ADK: variants seen among roughly 807,000 people sequenced by gnomAD.
The protein encoded by ADK is adenosine kinase.
In ADK, 24 loss-of-function variants were observed where a neutral mutation model predicts 44.7. That is an observed-to-expected ratio of 0.54 (90% CI 0.39 to 0.76). The LOEUF is 0.76. Ranked by LOEUF, ADK falls within the 30% of genes least tolerant of loss-of-function variation. ADK has a pLI of 0.00. For missense variants in ADK, 321 were observed against 425.1 expected (o/e 0.76, Z 2.15); for synonymous variants, 128 against 142.6 (o/e 0.90, Z 0.73).
intron 3 of ADK, among the ~76,000 whole-genome samples, chr10:74,262,330 A>C (rs1399548799): frequency 3.5e-5 from 5 of 144,874 alleles, no homozygotes; most frequent in Non-Finnish European, 3.1e-5. Context: ...AAAAAAAAAA[A>C]CAAAAAAACT....
At chr10:74,699,840 T>C (rs1003596979) in intron 10 of ADK, among the ~76,000 whole-genome samples, 1 of 152,230 alleles carries the variant, frequency 6.6e-6, no homozygotes, top group African/African-American at 2.4e-5. Flanking sequence ...TACTGAAATA[T>C]TTCTAACCCA....
At chr10:74,578,120 A>G (rs1851259009) in intron 7 of ADK, among the ~76,000 whole-genome samples, 1 of 152,078 alleles carries the variant, frequency 6.6e-6, no homozygotes, top group Admixed American at 6.5e-5. Context: ...ATAAAAGGAC[A>G]TTGGTTCACA....
At chr10:74,686,868 G>A (rs1855812073) in intron 10 of ADK, among the ~76,000 whole-genome samples, 1 of 151,906 alleles carries the variant, frequency 6.6e-6, no homozygotes, top group Non-Finnish European at 1.5e-5. Context: ...AGTAGAGACA[G>A]GGTTTCACCA....
At chr10:74,238,361 T>C (rs1386459354) in intron 3 of ADK, among the ~76,000 whole-genome samples, 1 of 152,178 alleles carries the variant, frequency 6.6e-6, no homozygotes, top group African/African-American at 2.4e-5. Context: ...GGCTGTTGAC[T>C]TGGCAACTAA....
At chr10:74,278,453 T>C (rs1255221733) in intron 3 of ADK, among the ~76,000 whole-genome samples, 4 of 151,848 alleles carry the variant, frequency 2.6e-5, no homozygotes, top group Non-Finnish European at 5.9e-5. Flanking sequence ...TTTGGCTTGA[T>C]ATATTTTGAG....
At chr10:74,155,322 A>AT (rs1295797232) in intron 1 of ADK, among the ~76,000 whole-genome samples, 3 of 151,986 alleles carry the variant, frequency 2.0e-5, no homozygotes, top group African/African-American at 2.4e-5. Flanking sequence ...CGAATCTTTA[A>AT]AAAAAACGAA....
At chr10:74,685,992 C>T (rs936293561) in intron 10 of ADK, among the ~76,000 whole-genome samples, 2 of 151,820 alleles carry the variant, frequency 1.3e-5, no homozygotes, top group Non-Finnish European at 2.9e-5. Context: ...GGTGGTGTCT[C>T]GCTCTGTTGC....
intron 9 of ADK, among the ~76,000 whole-genome samples, chr10:74,657,041 T>A (rs1000588142): frequency 6.6e-6 from 1 of 151,940 alleles, no homozygotes; most frequent in Middle Eastern, 3.4e-3. Flanking sequence ...TTTTTTTTTT[T>A]AATCTGTAGA....
chr10:74,475,468 T>A (rs531748533), intron 6 of ADK, among the ~76,000 whole-genome samples: 1 of 152,180 alleles, frequency 6.6e-6, no homozygotes, highest in Non-Finnish European at 1.5e-5. Flanking sequence ...CCTAACACTT[T>A]GGGATGCTGA....
At chr10:74,176,998 T>C in intron 1 of ADK, 1 of 1,456,824 alleles carries the variant, frequency 6.9e-7, no homozygotes, top group South Asian at 1.2e-5. Flanking sequence ...CCGCCTCTGG[T>C]CCCCCTCGTG....
intron 3 of ADK, among the ~76,000 whole-genome samples, chr10:74,310,419 C>T (rs1423479883): frequency 3.3e-5 from 5 of 152,082 alleles, no homozygotes; most frequent in Non-Finnish European, 7.4e-5. Context: ...TTTCTTCTCT[C>T]CTGTATTTCT....
At chr10:74,645,051 G>C (rs1165317077) in intron 9 of ADK, among the ~76,000 whole-genome samples, 1 of 152,094 alleles carries the variant, frequency 6.6e-6, no homozygotes, top group African/African-American at 2.4e-5. Context: ...TCCTTTGTTA[G>C]CACTAAGTTT....
intron 1 of ADK, among the ~76,000 whole-genome samples, chr10:74,196,394 G>A (rs748913602): frequency 1.3e-5 from 2 of 152,016 alleles, no homozygotes; most frequent in African/African-American, 4.8e-5. Context: ...ACAGAAATTA[G>A]CTGGGCATAG....
intron 6 of ADK, among the ~76,000 whole-genome samples, chr10:74,451,562 A>G (rs1845782235): frequency 6.6e-6 from 1 of 152,166 alleles, no homozygotes; most frequent in Non-Finnish European, 1.5e-5. Context: ...TTCTGAAGTG[A>G]CATCCACATT....
chr10:74,507,299 C>A (rs957864855), intron 6 of ADK, among the ~76,000 whole-genome samples: 3 of 152,102 alleles, frequency 2.0e-5, no homozygotes, highest in Non-Finnish European at 2.9e-5. Flanking sequence ...AGCAGTCTTT[C>A]TTTTTTCTCT....
chr10:74,595,259 GCT>G (rs1014775910), intron 8 of ADK, among the ~76,000 whole-genome samples: 3 of 148,828 alleles, frequency 2.0e-5, no homozygotes, highest in Admixed American at 6.8e-5. Flanking sequence ...CCAGAGCTCA[GCT>G]CTCTATGTCT....
At chr10:74,707,829 T>C (rs1856660669) in intron 10 of ADK, among the ~76,000 whole-genome samples, 1 of 150,652 alleles carries the variant, frequency 6.6e-6, no homozygotes, top group South Asian at 2.1e-4. Context: ...CAACTTGAGC[T>C]CTTTAGAATA....
intron 9 of ADK, among the ~76,000 whole-genome samples, chr10:74,665,895 T>G (rs1854939530): frequency 6.6e-6 from 1 of 152,238 alleles, no homozygotes; most frequent in African/African-American, 2.4e-5. Context: ...CCTTCACTTG[T>G]ATCTTCTCAA....
chr10:74,490,258 C>T (rs1272433886), intron 6 of ADK, among the ~76,000 whole-genome samples: 4 of 152,006 alleles, frequency 2.6e-5, no homozygotes, highest in Non-Finnish European at 4.4e-5. Context: ...CATTGTGATA[C>T]TGATTTTTAT....
Sources: gnomAD v4.1 joint callset for allele counts (sites outside exome capture counted in the v4.1 genomes callset) on GRCh38, gnomAD v4.1.1 for gene constraint, MANE v1.5 for transcripts, NCBI Gene and HGNC (gene_info 2026-07-23, HGNC 2026-07-21) for gene names.